Variants in FRAS1 observed in about 807,000 individuals in gnomAD.
FRAS1 encodes the protein Fraser extracellular matrix complex subunit 1.
Under a neutral mutation model 435.2 loss-of-function variants are expected in FRAS1, and 290 were observed. That is an observed-to-expected ratio of 0.67 (90% CI 0.61 to 0.73). FRAS1 has a LOEUF of 0.73. Among genes scored for constraint, FRAS1 ranks in the 30% least tolerant of loss-of-function variants. The pLI, the probability that FRAS1 is intolerant of heterozygous loss-of-function variation, is 0.00. For synonymous variants in FRAS1, 1,800 were observed against 1,851.0 expected, an observed-to-expected ratio of 0.97 and a Z score of 0.71; for missense variants, 4,860 against 5,001.5, an observed-to-expected ratio of 0.97 and a Z score of 0.85.
At position 78,211,111 on chromosome 4, in the gene FRAS1, A is replaced by G. The variant is rs566709481; in HGVS notation, c.109-26399A>G. Reference sequence around the variant, plus strand: ...AGAAGTTTCATTTGAAAGTAATTGCATGACATAACTAATAAATATTTATAG... The same window carrying G: ...AGAAGTTTCATTTGAAAGTAATTGCGTGACATAACTAATAAATATTTATAG... On this transcript the variant is annotated intron_variant, in intron 2 of 73. Coordinates refer to ENST00000512123, the MANE Select transcript of FRAS1 (RefSeq NM_025074.7). Among the ~76,000 whole-genome samples, 13 of 152,340 alleles carry G rather than the reference A, an allele frequency of 8.5e-5. No individual in the cohort carries two copies. In the South Asian group the frequency reaches 1.9e-3, roughly 22 times the overall value.
Position 78,446,859 on chromosome 4 carries a change from T to C in FRAS1, c.5989T>C (p.Leu1997=), listed in dbSNP as rs1718849168. ...CCCAGATAATGAGCTCATTTTTGTA[T>C]TGACAAAAAAGCCTGACCACGGTAG... is the stretch of plus-strand genomic sequence containing the variant. ...DTPDNELIFV[L]TKKPDHGHVL... is the part of the protein sequence containing the mutation. Residue 1997 remains leucine, a synonymous_variant, in exon 43 of 74, where the codon TTG becomes CTG. Transcript: ENST00000512123. 7 of 1,610,654 alleles carry C rather than the reference T, an allele frequency of 4.3e-6. No individual in the cohort carries two copies. The highest frequency in any genetic ancestry group is 5.9e-6 in the Non-Finnish European group (7 of 1,178,418).
At chr4:78,409,985 C>T (rs979461243) in intron 31 of FRAS1, among the ~76,000 whole-genome samples, 4 of 152,190 alleles carry the variant, frequency 2.6e-5, no homozygotes, top group African/African-American at 9.7e-5. Flanking sequence ...ATCCTGAGCA[C>T]ACTGAATTTC....
At chr4:78,434,620 C>T (rs909955757) in intron 38 of FRAS1, among the ~76,000 whole-genome samples, 1 of 151,954 alleles carries the variant, frequency 6.6e-6, no homozygotes, top group Non-Finnish European at 1.5e-5. Context: ...AAAATTGATG[C>T]TATGACTGAC....
At chr4:78,528,601 T>G (rs949516695) in intron 70 of FRAS1, among the ~76,000 whole-genome samples, 1 of 152,228 alleles carries the variant, frequency 6.6e-6, no homozygotes, top group African/African-American at 2.4e-5. Context: ...TTGTTCCTGT[T>G]ATTTCTGGGT....
At chr4:78,531,329 A>C (rs1277543916) in intron 70 of FRAS1, among the ~76,000 whole-genome samples, 2 of 152,108 alleles carry the variant, frequency 1.3e-5, no homozygotes, top group African/African-American at 4.8e-5. Context: ...AGTACCCTTT[A>C]TTTCTTTCCC....
chr4:78,375,408 C>T (rs1731717301), intron 25 of FRAS1, among the ~76,000 whole-genome samples: 3 of 152,186 alleles, frequency 2.0e-5, no homozygotes, highest in African/African-American at 7.2e-5. Flanking sequence ...CCAAGGTCAA[C>T]AGCTGGGAAG....
At chr4:78,105,071 C>A (rs72654645) in intron 2 of FRAS1, among the ~76,000 whole-genome samples, 2,719 of 152,216 alleles carry the variant, frequency 0.018, 24 homozygotes, top group Non-Finnish European at 0.029. Context: ...GCTTAGAAAG[C>A]CTGCTGTTCT....
chr4:78,058,162 T>C, intron 1 of FRAS1, 77 bp downstream of exon 1: 1 of 1,335,094 alleles, frequency 7.5e-7, no homozygotes, highest in Non-Finnish European at 1.0e-6. Flanking sequence ...TCGTGCAGTT[T>C]AAAAATCTCA....
intron 29 of FRAS1, among the ~76,000 whole-genome samples, chr4:78,389,839 A>G (rs1732375265): frequency 1.3e-5 from 2 of 152,176 alleles, no homozygotes. Flanking sequence ...CCAGAACAAA[A>G]CCAAGAAAAA....
At chr4:78,425,628 C>T (rs568911226) in intron 35 of FRAS1, among the ~76,000 whole-genome samples, 30 of 152,230 alleles carry the variant, frequency 2.0e-4, no homozygotes, top group African/African-American at 7.2e-4. Context: ...TAGTAAATTT[C>T]AGTGTTGTGT....
chr4:78,244,701 C>T (rs552711684), intron 3 of FRAS1, among the ~76,000 whole-genome samples: 17 of 152,058 alleles, frequency 1.1e-4, no homozygotes, highest in African/African-American at 3.9e-4. Context: ...CTTAGGAATT[C>T]TACTCAGCTT....
intron 2 of FRAS1, among the ~76,000 whole-genome samples, chr4:78,234,587 G>A (rs1414399565): frequency 6.6e-6 from 1 of 152,132 alleles, no homozygotes; most frequent in Non-Finnish European, 1.5e-5. Flanking sequence ...TTACACTATT[G>A]CCAATTTTGA....
intron 2 of FRAS1, among the ~76,000 whole-genome samples, chr4:78,097,098 C>T (rs1223882424): frequency 6.6e-6 from 1 of 152,156 alleles, no homozygotes; most frequent in East Asian, 1.9e-4. Context: ...CTCTCAAGTT[C>T]AAGGTTTCAC....
At chr4:78,441,538 T>C (rs541039476) in intron 41 of FRAS1, among the ~76,000 whole-genome samples, 32 of 152,296 alleles carry the variant, frequency 2.1e-4, no homozygotes, top group African/African-American at 7.5e-4. Flanking sequence ...CCCCCTCCCT[T>C]CACAGTGCCT....
intron 41 of FRAS1, among the ~76,000 whole-genome samples, chr4:78,442,010 G>A (rs572316334): frequency 6.6e-5 from 10 of 152,346 alleles, no homozygotes; most frequent in South Asian, 6.2e-4. Flanking sequence ...TTCCCTGCAC[G>A]GAGCTGCCTG....
chr4:78,115,417 C>T (rs1174972416), intron 2 of FRAS1, among the ~76,000 whole-genome samples: 1 of 152,096 alleles, frequency 6.6e-6, no homozygotes, highest in African/African-American at 2.4e-5. Flanking sequence ...CCAGCTCCTC[C>T]TTGTACCTCT....
chr4:78,392,713 G>A (rs939822262), intron 29 of FRAS1, among the ~76,000 whole-genome samples: 2 of 139,392 alleles, frequency 1.4e-5, no homozygotes, highest in East Asian at 2.0e-4. Flanking sequence ...GTCCTCTGGA[G>A]GATCTATAAA....
Position 78,416,072 on chromosome 4 carries a change from A to G in FRAS1, c.4426-2877A>G, listed in dbSNP as rs1044328385. On this transcript the variant is annotated intron_variant, in intron 32 of 73. Coordinates refer to ENST00000512123, the MANE Select transcript of FRAS1 (RefSeq NM_025074.7). ...AATGGATAAAGAAAATGTGATACAG[A>G]CGTACACACACAGAGAGAGAGGAAT... 8.5e-5 allele frequency among the ~76,000 whole-genome samples: 13 copies of G among 152,244 alleles called. 1 individual carries two copies. The highest frequency in any genetic ancestry group is 4.6e-4 in the Admixed American group (7 of 15,284).
Position 78,275,138 on chromosome 4 carries a change from T to G in FRAS1, c.982-3517T>G, listed in dbSNP as rs1175022433. On this transcript the variant is annotated intron_variant, in intron 9 of 73. Coordinates refer to ENST00000512123, the MANE Select transcript of FRAS1 (RefSeq NM_025074.7). The stretch of plus-strand genomic sequence containing the variant: ...TTTTATCAGAGACTAGATTGCAACC[T>G]CTGCCTTTTTTTGTTTTCCATTTGC... Among the ~76,000 whole-genome samples, 4 of 152,120 alleles carry G rather than the reference T, an allele frequency of 2.6e-5. No homozygotes were observed. In the South Asian group the frequency reaches 8.3e-4, roughly 31 times the overall value.
Sources: allele counts gnomAD v4.1 joint callset (sites outside exome capture counted in the v4.1 genomes callset), GRCh38; gene constraint gnomAD v4.1.1; transcripts MANE v1.5; gene names NCBI Gene and HGNC (gene_info 2026-07-23, HGNC 2026-07-21).